The following WDR75 variants were observed in gnomAD, a reference collection of about 807,000 sequenced individuals.
The protein encoded by WDR75 is WD repeat domain 75.
WDR75 carries 52 observed loss-of-function variants against 106.1 expected under a neutral mutation model. That is an observed-to-expected ratio of 0.49 (90% CI 0.39 to 0.62). WDR75 has a LOEUF of 0.62. Ranked by LOEUF, WDR75 falls within the 20% of genes least tolerant of loss-of-function variation. WDR75 has a pLI of 0.00. For synonymous variants in WDR75, 333 were observed against 335.5 expected (o/e 0.99, Z 0.08); for missense variants, 905 against 970.3 (o/e 0.93, Z 0.89).
chr2:189,458,697 C>A, intron 6 of WDR75, 56 bp from the exon 7 acceptor site: 2 of 1,411,124 alleles, frequency 1.4e-6, no homozygotes, highest in Non-Finnish European at 1.9e-6. Context: ...TTAACTACAT[C>A]ACCACTTATC....
chr2:189,447,666 A>C (rs1033555773), intron 1 of WDR75, among the ~76,000 whole-genome samples: 2 of 152,208 alleles, frequency 1.3e-5, no homozygotes, highest in African/African-American at 4.8e-5. Context: ...AACAGTCAAG[A>C]GATATGATAT....
chr2:189,459,214 C>T, intron 7 of WDR75, 122 bp from the exon 8 acceptor site: 1 of 723,910 alleles, frequency 1.4e-6, no homozygotes. Flanking sequence ...ACATTAAGAC[C>T]AGAAGCCTTT....
chr2:189,460,493 A>G (rs1686855513), intron 8 of WDR75, among the ~76,000 whole-genome samples: 1 of 151,018 alleles, frequency 6.6e-6, no homozygotes. Context: ...ATGTGTCTGT[A>G]TATGTTCCAG....
chr2:189,458,029 T>C (rs1438483775), intron 6 of WDR75, among the ~76,000 whole-genome samples: 2 of 150,526 alleles, frequency 1.3e-5, no homozygotes, highest in African/African-American at 4.9e-5. Flanking sequence ...GTTCAAGTGA[T>C]TGTCCCGTCT....
intron 4 of WDR75, 175 bp downstream of exon 4, chr2:189,452,070 AT>A: frequency 1.8e-6 from 1 of 549,866 alleles, no homozygotes; most frequent in Non-Finnish European, 3.2e-6. Context: ...ATTCTGAAAT[AT>A]GCAGTGAGGG....
Position 189,451,892 on chromosome 2 carries a change from C to A in WDR75, c.370C>A (p.Pro124Thr), listed in dbSNP as rs1465403481. 6.2e-7 allele frequency: 1 copy of A among 1,610,178 alleles called. No individual in the cohort carries two copies. The highest frequency in any genetic ancestry group is 8.5e-7 in the Non-Finnish European group (1 of 1,177,218). Residue 124 changes from proline to threonine, a missense_variant, in exon 4 of 21, where the codon CCA (proline) becomes ACA (threonine). Coordinates refer to ENST00000314761, the MANE Select transcript of WDR75 (RefSeq NM_032168.3). ...SVFVIVNKEK[P>T]DIFQLVSVKL... The stretch of plus-strand genomic sequence containing the variant: ...CTTTGTTATAGTGAATAAAGAAAAA[C>A]CAGGTATGGTATAATTAACTTACTA...
rs770647514 is a variant in WDR75, at chr2:189,448,362, C to CT, written c.87-14dup. 297 of 1,607,434 alleles carry CT rather than the reference C, an allele frequency of 1.8e-4. No individual in the cohort carries two copies. Among genetic ancestry groups the CT allele is most frequent in the Admixed American group, 2.5e-4 (15 of 58,866 alleles). ...AATACAGTATGTAAAACTTACTTTT[C>CT]TTTCTTTTTTTTCCAGGTATATCTT... On this transcript the variant is annotated splice_polypyrimidine_tract_variant and intron_variant, in intron 1 of 20. Transcript: ENST00000314761.
intron 3 of WDR75, 21 bp downstream of exon 3, chr2:189,450,989 T>C: frequency 6.3e-7 from 1 of 1,583,872 alleles, no homozygotes; most frequent in Non-Finnish European, 8.5e-7. Context: ...TGATCTTTAC[T>C]TTTCGTTATG....
rs1687189966 is a variant in WDR75 at position 189,475,232 on chromosome 2, G to A, written c.2308G>A (p.Asp770Asn). The A allele has an allele frequency of 2.5e-6, 4 of 1,610,326 alleles. No homozygotes were observed. Among genetic ancestry groups the A allele is most frequent in the Non-Finnish European group, 2.5e-6 (3 of 1,178,298 alleles). The change falls in exon 21 of 21, where the codon GAT becomes AAT. Residue 770 changes from aspartate (D) to asparagine (N), a missense_variant. Asp to Asn is a conservative substitution (Grantham distance 23). Transcript: ENST00000314761. ...ETKSAKEIPE[D>N]VDMEEEKESE... is the part of the protein sequence containing the mutation. ...TTAAAGTGCTAAGGAAATTCCTGAA[G>A]ATGTAGATATGGAAGAAGAAAAAGA...
At chr2:189,465,823 A>C (rs1017563708) in intron 12 of WDR75, among the ~76,000 whole-genome samples, 2 of 152,106 alleles carry the variant, frequency 1.3e-5, no homozygotes, top group Non-Finnish European at 2.9e-5. Flanking sequence ...GGTTGTCCCT[A>C]GTCACTGTTG....
At chr2:189,444,745 G>A (rs1686459734) in intron 1 of WDR75, among the ~76,000 whole-genome samples, 1 of 152,008 alleles carries the variant, frequency 6.6e-6, no homozygotes, top group Non-Finnish European at 1.5e-5. Flanking sequence ...TCCTCTATAT[G>A]GCTTTCAATC....
intron 7 of WDR75, 29 bp from the exon 8 acceptor site, chr2:189,459,307 A>G (rs1477231181): frequency 6.4e-7 from 1 of 1,551,546 alleles, no homozygotes. Context: ...ACCTATGGTC[A>G]AAATAAGAGT....
Position 189,475,256 on chromosome 2 carries a change from G to A in WDR75, c.2332G>A (p.Glu778Lys). 1 of 1,612,954 alleles carries A rather than the reference G, an allele frequency of 6.2e-7. No individual in the cohort carries two copies. The highest frequency in any genetic ancestry group is 8.5e-7 in the Non-Finnish European group (1 of 1,179,442). The change falls in exon 21 of 21, where the codon GAA becomes AAA. Residue 778 changes from glutamate to lysine, a missense_variant. Glu to Lys is a moderately conservative substitution (Grantham distance 56, BLOSUM62 1). Coordinates refer to ENST00000314761, the MANE Select transcript of WDR75 (RefSeq NM_032168.3). ...PEDVDMEEEK[E>K]SEDSDEENDF... ...AGATGTAGATATGGAAGAAGAAAAA[G>A]AAAGTGAAGATTCAGATGAAGAAAA...
chr2:189,470,982 A>G (rs1687108317), intron 18 of WDR75, 104 bp downstream of exon 18: 4 of 809,132 alleles, frequency 4.9e-6, no homozygotes, highest in Non-Finnish European at 7.3e-6. Flanking sequence ...GCCCTAAAAT[A>G]GAATTAAAAG....
At chr2:189,473,602 C>G (rs936241853) in intron 18 of WDR75, among the ~76,000 whole-genome samples, 3 of 152,158 alleles carry the variant, frequency 2.0e-5, no homozygotes, top group Non-Finnish European at 2.9e-5. Context: ...ATGTAGAGCC[C>G]TCTGCTGGGG....
rs1424270161 is a variant in WDR75 at position 189,457,392 on chromosome 2, T to C, written c.569+11T>C. ...GAAAACAACATCAAGGTAAGAATTA[T>C]TTTTTATTAGCTTTATTTTATTTGC... On this transcript the variant is annotated intron_variant, in intron 6 of 20. Coordinates refer to ENST00000314761, the MANE Select transcript of WDR75 (RefSeq NM_032168.3). 5 of 1,514,904 alleles carry C rather than the reference T, an allele frequency of 3.3e-6. No individual in the cohort carries two copies. Among genetic ancestry groups the C allele is most frequent in the Middle Eastern group, 1.7e-4 (1 of 5,810 alleles). The allele number at this position is 1,514,904 out of a possible 1,614,324, so 93.8% of individuals were successfully genotyped here. A position where few individuals can be genotyped will look rare whatever the true frequency, so the allele number is the denominator to read the frequency against.
intron 6 of WDR75, among the ~76,000 whole-genome samples, chr2:189,457,979 A>G (rs1186636314): frequency 7.6e-6 from 1 of 131,940 alleles, no homozygotes; most frequent in Non-Finnish European, 1.5e-5. Flanking sequence ...AGGCTGGTGC[A>G]ATGGTGTGTT....
At chr2:189,472,603 C>T (rs1312202926) in intron 18 of WDR75, among the ~76,000 whole-genome samples, 1 of 151,630 alleles carries the variant, frequency 6.6e-6, no homozygotes, top group East Asian at 1.9e-4. Flanking sequence ...TTGGTTGCTG[C>T]CTTTCATCTA....
At chr2:189,474,670 G>A in intron 19 of WDR75, 47 bp from the exon 20 acceptor site, 6 of 1,506,688 alleles carry the variant, frequency 4.0e-6, no homozygotes, top group Non-Finnish European at 5.5e-6. Flanking sequence ...AGACTGCGGT[G>A]GAGGATAAGC....
Sources: allele counts gnomAD v4.1 joint callset (sites outside exome capture counted in the v4.1 genomes callset), GRCh38; gene constraint gnomAD v4.1.1; transcripts MANE v1.5; gene names NCBI Gene and HGNC (gene_info 2026-07-23, HGNC 2026-07-21).